Variants in BRINP3 observed in about 807,000 individuals in gnomAD.
BRINP3 encodes the protein BMP/retinoic acid inducible neural specific 3, also known as BMP/retinoic acid-inducible neural-specific protein 3.
Under a neutral mutation model 71.0 loss-of-function variants are expected in BRINP3, and 19 were observed. That is an observed-to-expected ratio of 0.27 (90% CI 0.19 to 0.39). The LOEUF is 0.39. Among genes scored for constraint, BRINP3 ranks in the 10% least tolerant of loss-of-function variants. BRINP3 has a pLI of 1.00. For missense variants in BRINP3, 959 were observed against 940.8 expected (o/e 1.02, Z -0.25); for synonymous variants, 380 against 337.7 (o/e 1.13, Z -1.37).
chr1:190,468,112 GTTAA>G (rs1416201392), intron 1 of BRINP3, among the ~76,000 whole-genome samples: 1 of 151,176 alleles, frequency 6.6e-6, no homozygotes, highest in African/African-American at 2.4e-5. Flanking sequence ...TTAATTAATA[GTTAA>G]TAATTGTCTG....
At chr1:190,157,841 T>C (rs1571866291) in intron 7 of BRINP3, among the ~76,000 whole-genome samples, 1 of 152,042 alleles carries the variant, frequency 6.6e-6, no homozygotes, top group African/African-American at 2.4e-5. Flanking sequence ...TTTAAAAAGA[T>C]GAAAGCAATA....
intron 2 of BRINP3, among the ~76,000 whole-genome samples, chr1:190,328,082 C>T (rs772481038): frequency 6.6e-6 from 1 of 151,982 alleles, no homozygotes; most frequent in Non-Finnish European, 1.5e-5. Flanking sequence ...AAGTTTTTAG[C>T]ACTAAATGCC....
chr1:190,133,694 A>C (rs989658203), intron 7 of BRINP3, among the ~76,000 whole-genome samples: 1 of 152,138 alleles, frequency 6.6e-6, no homozygotes, highest in Non-Finnish European at 1.5e-5. Flanking sequence ...TACAAATTGA[A>C]TATGCATACT....
At chr1:190,139,481 A>T (rs1170984325) in intron 7 of BRINP3, among the ~76,000 whole-genome samples, 1 of 151,756 alleles carries the variant, frequency 6.6e-6, no homozygotes, top group South Asian at 2.1e-4. Flanking sequence ...GAAAGAAAGA[A>T]AAGAAAAAAA....
Position 190,374,285 on chromosome 1 carries a change from T to C in BRINP3, c.236+80370A>G, listed in dbSNP as rs1429919182. 2.6e-5 allele frequency among the ~76,000 whole-genome samples: 4 copies of C among 152,084 alleles called. No homozygotes were observed. The South Asian group carries it at 8.3e-4, about 32-fold the overall frequency. ...CACACATTTTGTGAAAAGAAATCTA[T>C]CTGTCTGTCTGTCTCTCTGACTATC... On this transcript the variant is annotated intron_variant, in intron 2 of 7. Transcript: ENST00000367462.
At chr1:190,206,987 TG>T (rs1655560459) in intron 6 of BRINP3, among the ~76,000 whole-genome samples, 1 of 148,020 alleles carries the variant, frequency 6.8e-6, no homozygotes, top group African/African-American at 2.5e-5. Context: ...TGTTTTGTTT[TG>T]TTTTTTTGTT....
chr1:190,335,426 A>G lies in BRINP3; in HGVS notation c.237-53676T>C, dbSNP rs115793228. ...ATGATGTCTTTATTTTATAAATACT[A>G]TACTAAAAAATGATAATTTTTTACT... On this transcript the variant is annotated intron_variant, in intron 2 of 7. Coordinates refer to ENST00000367462, the MANE Select transcript of BRINP3 (RefSeq NM_199051.3). Among the ~76,000 whole-genome samples the G allele has an allele frequency of 3.3e-3, 508 of 151,988 alleles. 6 individuals carry two copies. The highest frequency in any genetic ancestry group is 0.012 in the African/African-American group (481 of 41,536).
chr1:190,212,150 G>A (rs1006140573), intron 6 of BRINP3, among the ~76,000 whole-genome samples: 5 of 152,008 alleles, frequency 3.3e-5, no homozygotes, highest in Admixed American at 3.3e-4. Context: ...CTTTAAAAGA[G>A]CTATGTTATA....
chr1:190,310,884 A>G (rs1035574843), intron 2 of BRINP3, among the ~76,000 whole-genome samples: 3 of 151,826 alleles, frequency 2.0e-5, no homozygotes, highest in African/African-American at 7.2e-5. Flanking sequence ...CCCATGATGC[A>G]TAACAAAGCA....
intron 7 of BRINP3, among the ~76,000 whole-genome samples, chr1:190,107,636 TGTCTATATGTTA>T (rs914881167): frequency 6.6e-6 from 1 of 151,978 alleles, no homozygotes; most frequent in Non-Finnish European, 1.5e-5. Flanking sequence ...TATCTGTGTT[TGTCTATATGTTA>T]GCTTTCCTAA....
At chr1:190,141,243 TTAATA>T (rs1042975465) in intron 7 of BRINP3, among the ~76,000 whole-genome samples, 15 of 152,146 alleles carry the variant, frequency 9.9e-5, no homozygotes, top group Admixed American at 5.2e-4. Context: ...CATTAAGATA[TTAATA>T]TAATATATTT....
chr1:190,202,358 A>C (rs1655080289), intron 6 of BRINP3, among the ~76,000 whole-genome samples: 1 of 152,138 alleles, frequency 6.6e-6, no homozygotes, highest in African/African-American at 2.4e-5. Flanking sequence ...CTAGGAAATA[A>C]CTAACTTGCT....
At chr1:190,460,302 T>G (rs1249381842) in intron 1 of BRINP3, among the ~76,000 whole-genome samples, 1 of 150,746 alleles carries the variant, frequency 6.6e-6, no homozygotes, top group African/African-American at 2.4e-5. Context: ...CTGTTTAAAA[T>G]CTACAGCATT....
rs1350646205 is a variant in BRINP3 at position 190,156,184 on chromosome 1, A to G, written c.1184+4484T>C. ...GAATGTCAAGCTTTATTGAAAAGGAAGAACTATACACTATACAGAGTAACT... is the reference window on the plus strand; with the variant it reads ...GAATGTCAAGCTTTATTGAAAAGGAGGAACTATACACTATACAGAGTAACT... On this transcript the variant is annotated intron_variant, in intron 7 of 7. Coordinates refer to ENST00000367462, the MANE Select transcript of BRINP3 (RefSeq NM_199051.3). Among the ~76,000 whole-genome samples, 3 of 152,142 alleles carry G rather than the reference A, an allele frequency of 2.0e-5. No homozygotes were observed. In the East Asian group the frequency reaches 5.8e-4, roughly 29 times the overall value.
Position 190,146,540 on chromosome 1 carries a change from ATTGT to A in BRINP3, c.1184+14124_1184+14127del, listed in dbSNP as rs576918020. On this transcript the variant is annotated intron_variant, in intron 7 of 7. Coordinates refer to ENST00000367462, the MANE Select transcript of BRINP3 (RefSeq NM_199051.3). ...TACTATCATCATCATTATCAAATAG[ATTGT>A]TTGAGTTTTAATAAATGCTGAGACT... is the stretch of plus-strand genomic sequence containing the variant. Among the ~76,000 whole-genome samples, 656 of 152,172 alleles carry A rather than the reference ATTGT, an allele frequency of 4.3e-3. 3 individuals carry two copies. Among genetic ancestry groups the A allele is most frequent in the African/African-American group, 0.014 (599 of 41,532 alleles).
At position 190,098,676 on chromosome 1, in the gene BRINP3, T is replaced by C. The variant is rs1340428630; in HGVS notation, c.1643A>G (p.His548Arg). ...CTGTAAAGAGAGACCCAAAATCATA[T>C]GGACCAGACTTGACTTGTACTTATT... ...KSNKYKSSLV[H>R]MILGLSLQIC... The change falls in exon 8 of 8, where the codon CAT becomes CGT. Residue 548 changes from histidine to arginine, a missense_variant. Coordinates refer to ENST00000367462, the MANE Select transcript of BRINP3 (RefSeq NM_199051.3). The C allele has an allele frequency of 3.1e-6, 5 of 1,614,204 alleles. No homozygotes were observed. The highest frequency in any genetic ancestry group is 1.7e-5 in the Admixed American group (1 of 60,022).
intron 2 of BRINP3, among the ~76,000 whole-genome samples, chr1:190,308,695 C>T (rs1250534553): frequency 6.6e-6 from 1 of 151,756 alleles, no homozygotes; most frequent in Non-Finnish European, 1.5e-5. Flanking sequence ...AAACAATAGA[C>T]ATATAATTAA....
intron 2 of BRINP3, among the ~76,000 whole-genome samples, chr1:190,338,123 T>C (rs1178655212): frequency 3.3e-5 from 5 of 152,250 alleles, no homozygotes; most frequent in Middle Eastern, 3.4e-3. Flanking sequence ...GTTGCAAATC[T>C]AAACTTGACA....
intron 2 of BRINP3, among the ~76,000 whole-genome samples, chr1:190,356,887 G>A (rs1219688720): frequency 6.6e-6 from 1 of 151,988 alleles, no homozygotes; most frequent in African/African-American, 2.4e-5. Context: ...ATATGTGGTT[G>A]ACTTCAGTAA....
Sources: gnomAD v4.1 joint callset for allele counts (sites outside exome capture counted in the v4.1 genomes callset) on GRCh38, gnomAD v4.1.1 for gene constraint, MANE v1.5 for transcripts, NCBI Gene and HGNC (gene_info 2026-07-23, HGNC 2026-07-21) for gene names.